SH3RF2: variants seen among roughly 807,000 people sequenced by gnomAD.
SH3RF2 encodes SH3 domain containing ring finger 2.
SH3RF2 carries 43 observed loss-of-function variants against 59.0 expected under a neutral mutation model. That is an observed-to-expected ratio of 0.73 (90% confidence interval 0.57 to 0.94). The LOEUF is 0.94. SH3RF2 is among the 40% of genes least tolerant of loss of function. SH3RF2 has a pLI of 0.00. For missense variants in SH3RF2, 930 were observed against 940.1 expected (o/e 0.99, Z 0.14); for synonymous variants, 391 against 391.5 (o/e 1.00, Z 0.01).
chr5:145,999,016 CT>C (rs1349189166), intron 2 of SH3RF2, among the ~76,000 whole-genome samples: 9 of 113,768 alleles, frequency 7.9e-5, no homozygotes, highest in African/African-American at 2.7e-4. Flanking sequence ...ATTTAAAATA[CT>C]TTATTACTAA....
At chr5:146,019,949 C>A (rs1032801989) in intron 5 of SH3RF2, among the ~76,000 whole-genome samples, 3 of 152,094 alleles carry the variant, frequency 2.0e-5, no homozygotes, top group Non-Finnish European at 1.5e-5. Context: ...GATTTGTGTA[C>A]ATCGATTTTG....
intron 5 of SH3RF2, among the ~76,000 whole-genome samples, chr5:146,040,560 A>T (rs2150009910): frequency 6.6e-6 from 1 of 152,286 alleles, no homozygotes; most frequent in South Asian, 2.1e-4. Context: ...CCAAATTTTG[A>T]TGACTACTTG....
chr5:146,004,222 T>G (rs1760541248), intron 4 of SH3RF2, 69 bp downstream of exon 4: 1 of 1,258,250 alleles, frequency 7.9e-7, no homozygotes, highest in Non-Finnish European at 1.1e-6. Flanking sequence ...CAGTGATGCC[T>G]GAGAGCAATT....
chr5:146,061,011 C>A (rs1434737178), intron 9 of SH3RF2, among the ~76,000 whole-genome samples: 1 of 152,308 alleles, frequency 6.6e-6, no homozygotes, highest in Admixed American at 6.5e-5. Flanking sequence ...GCCATCACCA[C>A]CTCCATCACC....
At chr5:146,056,895 C>T (rs752674783) in intron 8 of SH3RF2, among the ~76,000 whole-genome samples, 19 of 152,178 alleles carry the variant, frequency 1.2e-4, no homozygotes, top group South Asian at 2.1e-4. Context: ...GCAGTACATA[C>T]AGATTCTTGA....
chr5:145,937,877 C>A lies in SH3RF2; in HGVS notation c.-52C>A. On this transcript the variant is annotated 5_prime_UTR_variant, in exon 2 of 10. Transcript: ENST00000359120. Reference sequence around the variant, plus strand: ...GCTCTGCCCCCGTGGCTCAACTGACCCTACCATGTGGACGCTGCTCCTCCA... The same window carrying A: ...GCTCTGCCCCCGTGGCTCAACTGACACTACCATGTGGACGCTGCTCCTCCA... The A allele has an allele frequency of 6.4e-7, 1 of 1,566,580 alleles. No individual in the cohort carries two copies. The highest frequency in any genetic ancestry group is 8.6e-7 in the Non-Finnish European group (1 of 1,157,502).
chr5:146,002,812 G>C (rs1486084541), intron 3 of SH3RF2, among the ~76,000 whole-genome samples: 1 of 152,192 alleles, frequency 6.6e-6, no homozygotes, highest in African/African-American at 2.4e-5. Context: ...ATCTAAATTA[G>C]GTGCTCCTTA....
chr5:145,944,518 C>T (rs6880835), intron 2 of SH3RF2, among the ~76,000 whole-genome samples: 28,070 of 151,894 alleles, frequency 0.18, 3,404 homozygotes, highest in African/African-American at 0.33. Context: ...ACTCTCCCTT[C>T]CTTTCTCCTT....
intron 5 of SH3RF2, among the ~76,000 whole-genome samples, chr5:146,030,149 G>A (rs1175240002): frequency 2.6e-5 from 4 of 152,210 alleles, no homozygotes; most frequent in African/African-American, 9.6e-5. Flanking sequence ...GGCTGCTCAA[G>A]CTGCCTAACT....
intron 2 of SH3RF2, among the ~76,000 whole-genome samples, chr5:145,983,429 C>G (rs1350428704): frequency 6.6e-6 from 1 of 152,110 alleles, no homozygotes; most frequent in Non-Finnish European, 1.5e-5. Context: ...AAAAGAGTGA[C>G]CATATAACTC....
chr5:145,987,579 A>G (rs1026160353), intron 2 of SH3RF2, among the ~76,000 whole-genome samples: 13 of 152,172 alleles, frequency 8.5e-5, no homozygotes, highest in African/African-American at 3.1e-4. Flanking sequence ...CTGACCTCCC[A>G]TGAGGTCATA....
intron 5 of SH3RF2, among the ~76,000 whole-genome samples, chr5:146,015,861 A>G (rs77049027): frequency 0.011 from 1,617 of 152,338 alleles, 25 homozygotes; most frequent in African/African-American, 0.037. Context: ...ATGGCTGTGG[A>G]TTATAAGTAT....
chr5:146,033,971 G>A (rs909641820), intron 5 of SH3RF2, among the ~76,000 whole-genome samples: 1 of 152,180 alleles, frequency 6.6e-6, no homozygotes, highest in Non-Finnish European at 1.5e-5. Context: ...CATCCCAGAT[G>A]GTGTAGACAC....
intron 5 of SH3RF2, among the ~76,000 whole-genome samples, chr5:146,014,843 C>T (rs1242177411): frequency 1.3e-5 from 2 of 152,120 alleles, no homozygotes; most frequent in East Asian, 1.9e-4. Context: ...ACTGAAGACG[C>T]GTAGGGGTGG....
At chr5:146,048,957 G>A (rs1289356447) in intron 6 of SH3RF2, 118 bp from the exon 7 acceptor site, 6 of 1,233,352 alleles carry the variant, frequency 4.9e-6, no homozygotes, top group Middle Eastern at 2.1e-4. Context: ...GCACCCGCTC[G>A]ACCAAGAAGG....
chr5:146,049,591 C>T (rs1762423162), intron 7 of SH3RF2, among the ~76,000 whole-genome samples: 1 of 151,910 alleles, frequency 6.6e-6, no homozygotes, highest in Non-Finnish European at 1.5e-5. Context: ...CCCAGGAACC[C>T]CACTTCACAT....
At chr5:146,042,865 A>G (rs548671761) in intron 5 of SH3RF2, among the ~76,000 whole-genome samples, 19 of 152,138 alleles carry the variant, frequency 1.2e-4, no homozygotes, top group African/African-American at 4.6e-4. Context: ...TCCCCACCAC[A>G]CCCGCACACC....
chr5:146,064,684 AAGAAAGAAAGAAAGAAAG>A (rs1329840446), downstream of SH3RF2, among the ~76,000 whole-genome samples: 17 of 3,440 alleles, frequency 4.9e-3, 1 homozygote, highest in East Asian at 0.057. Flanking sequence ...GAAAGAAAGA[AAGAAAGAAAGAAAGAAAG>A]AAAGAAAGAA....
chr5:145,971,317 T>C (rs1258379358), intron 2 of SH3RF2, among the ~76,000 whole-genome samples: 2 of 152,216 alleles, frequency 1.3e-5, no homozygotes, highest in Non-Finnish European at 2.9e-5. Flanking sequence ...TCTGCCTCTC[T>C]CCCTTCCCTC....
Sources: gnomAD v4.1 joint callset for allele counts (sites outside exome capture counted in the v4.1 genomes callset) on GRCh38, gnomAD v4.1.1 for gene constraint, MANE v1.5 for transcripts, NCBI Gene and HGNC (gene_info 2026-07-23, HGNC 2026-07-21) for gene names.